Variants in CDR2 observed in about 807,000 individuals in gnomAD.
The protein encoded by CDR2 is cerebellar degeneration-related protein 2.
CDR2 carries 34 observed loss-of-function variants against 48.4 expected under a neutral mutation model. The ratio of observed to expected loss-of-function variants is 0.70; its 90% CI spans 0.53 to 0.94. The LOEUF (loss-of-function observed/expected upper bound fraction) is 0.94. Ranked by LOEUF, CDR2 falls within the 40% of genes least tolerant of loss-of-function variation. CDR2 has a pLI of 0.00. For missense variants in CDR2, 498 were observed against 549.5 expected, an observed-to-expected ratio of 0.91 and a Z score of 0.94; for synonymous variants, 240 against 219.7, an observed-to-expected ratio of 1.09 and a Z score of -0.82.
intron 2 of CDR2, among the ~76,000 whole-genome samples, chr16:22,352,453 G>T (rs796965368): frequency 9.9e-5 from 15 of 151,764 alleles, no homozygotes; most frequent in African/African-American, 3.1e-4. Flanking sequence ...TTTCTCATCT[G>T]AAACTCTTGA....
At chr16:22,362,302 T>G (rs1371163653) in intron 2 of CDR2, among the ~76,000 whole-genome samples, 1 of 152,244 alleles carries the variant, frequency 6.6e-6, no homozygotes, top group African/African-American at 2.4e-5. Flanking sequence ...AAAGTGTTAT[T>G]TGTAGATTTA....
intron 2 of CDR2, among the ~76,000 whole-genome samples, chr16:22,356,078 C>T (rs767584152): frequency 1.3e-5 from 2 of 152,168 alleles, no homozygotes; most frequent in Non-Finnish European, 2.9e-5. Context: ...TATTTGAAAT[C>T]ATGGTAGTTT....
chr16:22,366,181 G>A (rs537773852), intron 1 of CDR2, among the ~76,000 whole-genome samples: 5 of 152,300 alleles, frequency 3.3e-5, no homozygotes, highest in Middle Eastern at 6.8e-3. Context: ...CAGATTAGTG[G>A]AGGAAGCCAG....
chr16:22,359,050 C>CA (rs1183168630), intron 2 of CDR2, among the ~76,000 whole-genome samples: 2 of 152,114 alleles, frequency 1.3e-5, no homozygotes, highest in African/African-American at 4.8e-5. Flanking sequence ...ATGCTTGTAT[C>CA]AAAACGTCAC....
At chr16:22,354,253 C>T (rs897087641) in intron 2 of CDR2, among the ~76,000 whole-genome samples, 1 of 152,148 alleles carries the variant, frequency 6.6e-6, no homozygotes, top group Non-Finnish European at 1.5e-5. Flanking sequence ...CATGGAAAAT[C>T]CTGGACGTCC....
At chr16:22,350,059 C>T (rs1322665388) in intron 2 of CDR2, among the ~76,000 whole-genome samples, 1 of 152,076 alleles carries the variant, frequency 6.6e-6, no homozygotes, top group Non-Finnish European at 1.5e-5. Context: ...TGTGGTGGCA[C>T]ACGCCTGTAA....
At chr16:22,348,751 G>C (rs562016345) in intron 4 of CDR2, among the ~76,000 whole-genome samples, 1 of 152,290 alleles carries the variant, frequency 6.6e-6, no homozygotes, top group South Asian at 2.1e-4. Context: ...GAAGCACCTT[G>C]ACTATTTATT....
In CDR2 at chr16:22,349,695, A is replaced by T; in HGVS notation, c.341+6T>A. ...GTCCTTCCTTGTCAGATTCTAGAAA[A>T]TTTACCTCAGAATCTTTTGCTGTGA... On this transcript the variant is annotated splice_donor_region_variant and intron_variant, in intron 3 of 4. Transcript: ENST00000268383. 8 of 1,613,688 alleles carry T rather than the reference A, an allele frequency of 5.0e-6. No homozygotes were observed. Among genetic ancestry groups the T allele is most frequent in the Non-Finnish European group, 6.8e-6 (8 of 1,179,830 alleles).
At chr16:22,372,321 C>T (rs901546125) in intron 1 of CDR2, among the ~76,000 whole-genome samples, 5 of 152,072 alleles carry the variant, frequency 3.3e-5, no homozygotes, top group East Asian at 1.9e-4. Flanking sequence ...CCTCCCACAG[C>T]GGGAGAATGC....
chr16:22,360,736 GA>G (rs2049005176), intron 2 of CDR2, among the ~76,000 whole-genome samples: 1 of 120,556 alleles, frequency 8.3e-6, no homozygotes. Flanking sequence ...TTAAAAAAAT[GA>G]TCTTTTTTTT....
chr16:22,356,890 A>C (rs1356854828), intron 2 of CDR2, among the ~76,000 whole-genome samples: 1 of 150,394 alleles, frequency 6.6e-6, no homozygotes, highest in African/African-American at 2.4e-5. Flanking sequence ...GCAGTGAGCC[A>C]AGATCATGCC....
At chr16:22,359,664 T>C (rs1301674269) in intron 2 of CDR2, among the ~76,000 whole-genome samples, 1 of 152,174 alleles carries the variant, frequency 6.6e-6, no homozygotes, top group Admixed American at 6.5e-5. Flanking sequence ...AATTCATATG[T>C]CTAAATTCTC....
chr16:22,361,004 C>T (rs2049007597), intron 2 of CDR2, among the ~76,000 whole-genome samples: 2 of 152,310 alleles, frequency 1.3e-5, no homozygotes, highest in South Asian at 4.1e-4. Flanking sequence ...CCGCCTCAGC[C>T]TCCCAAAGTG....
At chr16:22,362,060 C>T (rs992086596) in intron 2 of CDR2, among the ~76,000 whole-genome samples, 6 of 151,974 alleles carry the variant, frequency 3.9e-5, no homozygotes, top group Non-Finnish European at 5.9e-5. Context: ...CGCCACCACG[C>T]CCGGCTAATT....
rs1287037198 is a variant in CDR2, at chr16:22,349,689, T to C, written c.341+12A>G. On this transcript the variant is annotated intron_variant, in intron 3 of 4. Transcript: ENST00000268383. The stretch of plus-strand genomic sequence containing the variant: ...CCCCTAGTCCTTCCTTGTCAGATTC[T>C]AGAAAATTTACCTCAGAATCTTTTG... 5 of 1,613,450 alleles carry C rather than the reference T, an allele frequency of 3.1e-6. No individual in the cohort carries two copies. Among genetic ancestry groups the C allele is most frequent in the Non-Finnish European group, 3.4e-6 (4 of 1,179,722 alleles).
intron 2 of CDR2, among the ~76,000 whole-genome samples, chr16:22,356,940 CAAAAAAAAAAAAGAAAAAA>C (rs916963316): frequency 1.2e-3 from 35 of 28,882 alleles, no homozygotes; most frequent in South Asian, 3.4e-3. Context: ...GACTCCATCT[CAAAAAAAAAAAAGAAAAAA>C]AAAAAAAAAA....
At chr16:22,365,254 A>G (rs1183628628) in intron 1 of CDR2, 1 of 383,106 alleles carries the variant, frequency 2.6e-6, no homozygotes, top group Non-Finnish European at 4.8e-6. Context: ...CTTTATGGAG[A>G]TGCAGTTATT....
At chr16:22,349,983 A>G in intron 2 of CDR2, 134 bp from the exon 3 acceptor site, 1 of 734,188 alleles carries the variant, frequency 1.4e-6, no homozygotes, top group Non-Finnish European at 2.3e-6. Flanking sequence ...GAGGTTAGGA[A>G]TTCGAGACCA....
intron 2 of CDR2, among the ~76,000 whole-genome samples, chr16:22,363,297 G>A (rs2049022943): frequency 6.6e-6 from 1 of 152,130 alleles, no homozygotes; most frequent in African/African-American, 2.4e-5. Context: ...CTCTTTTGAT[G>A]TAGAATATGC....
Sources: allele counts gnomAD v4.1 joint callset (sites outside exome capture counted in the v4.1 genomes callset), GRCh38; gene constraint gnomAD v4.1.1; transcripts MANE v1.5; gene names NCBI Gene and HGNC (gene_info 2026-07-23, HGNC 2026-07-21).